The following TMEM131L variants were observed in gnomAD, a reference collection of about 807,000 sequenced individuals.
TMEM131L encodes transmembrane 131 like.
Under a neutral mutation model 192.2 loss-of-function variants are expected in TMEM131L, and 54 were observed. The ratio of observed to expected loss-of-function variants is 0.28; its 90% CI spans 0.23 to 0.35. The LOEUF (loss-of-function observed/expected upper bound fraction) is 0.35. Among genes scored for constraint, TMEM131L ranks in the 10% least tolerant of loss-of-function variants. The probability of loss-of-function intolerance (pLI) is 1.00; values close to 1 mark genes in which losing one functional copy is unlikely to be tolerated. For synonymous variants in TMEM131L, 701 were observed against 704.9 expected, an observed-to-expected ratio of 0.99 and a Z score of 0.09; for missense variants, 1,888 against 1,972.9, an observed-to-expected ratio of 0.96 and a Z score of 0.82.
intron 9 of TMEM131L, among the ~76,000 whole-genome samples, chr4:153,582,424 T>TTTTG (rs1730409863): frequency 2.4e-5 from 3 of 125,496 alleles, no homozygotes; most frequent in African/African-American, 1.4e-4. Context: ...TAAACCGTTT[T>TTTTG]TTTTTGTTGT....
At chr4:153,478,457 G>T (rs1580017785) in intron 3 of TMEM131L, among the ~76,000 whole-genome samples, 1 of 152,154 alleles carries the variant, frequency 6.6e-6, no homozygotes. Context: ...GTACAGAGAC[G>T]TCCTGTATAC....
chr4:153,495,941 G>T (rs1226073173), intron 3 of TMEM131L, among the ~76,000 whole-genome samples: 1 of 152,210 alleles, frequency 6.6e-6, no homozygotes, highest in Non-Finnish European at 1.5e-5. Flanking sequence ...AACTGTTTCA[G>T]TGGAGTAATG....
At chr4:153,467,995 A>G (rs1730885382) in intron 2 of TMEM131L, among the ~76,000 whole-genome samples, 1 of 152,324 alleles carries the variant, frequency 6.6e-6, no homozygotes, top group Middle Eastern at 3.4e-3. Flanking sequence ...TTCACCAGTA[A>G]CGGTAGTGAT....
chr4:153,564,367 A>G (rs1729058519), intron 7 of TMEM131L, among the ~76,000 whole-genome samples: 1 of 151,314 alleles, frequency 6.6e-6, no homozygotes, highest in African/African-American at 2.4e-5. Flanking sequence ...TAGATGGCAC[A>G]TAGCAGGTGC....
At chr4:153,635,189 A>C (rs1174857090) in intron 33 of TMEM131L, among the ~76,000 whole-genome samples, 1 of 152,220 alleles carries the variant, frequency 6.6e-6, no homozygotes, top group African/African-American at 2.4e-5. Context: ...CAAGTGATCA[A>C]ATAGAGAAAA....
chr4:153,468,858 A>G (rs1295635047), intron 2 of TMEM131L, among the ~76,000 whole-genome samples: 1 of 151,630 alleles, frequency 6.6e-6, no homozygotes, highest in East Asian at 1.9e-4. Context: ...ATGTATATGT[A>G]TTTGCATTTT....
chr4:153,496,343 C>G (rs181075813), intron 3 of TMEM131L, among the ~76,000 whole-genome samples: 2 of 152,138 alleles, frequency 1.3e-5, no homozygotes, highest in Non-Finnish European at 2.9e-5. Flanking sequence ...TCCATTGCAT[C>G]GAAAACGGGG....
intron 21 of TMEM131L, among the ~76,000 whole-genome samples, chr4:153,601,221 TAAG>T (rs1265615891): frequency 1.3e-5 from 2 of 152,134 alleles, no homozygotes; most frequent in Non-Finnish European, 2.9e-5. Flanking sequence ...ATGATAGAAT[TAAG>T]AAGTAATATA....
chr4:153,513,763 G>A (rs1221413467), intron 3 of TMEM131L, among the ~76,000 whole-genome samples: 2 of 152,202 alleles, frequency 1.3e-5, no homozygotes, highest in Middle Eastern at 3.4e-3. Flanking sequence ...AGATGGCCTT[G>A]TGTAAATTAA....
In TMEM131L at chr4:153,486,501, G is replaced by T. The variant is rs572772740; in HGVS notation, c.239+12613G>T. On this transcript the variant is annotated intron_variant, in intron 3 of 34. Coordinates refer to ENST00000409959, the MANE Select transcript of TMEM131L (RefSeq NM_001131007.2). ...ATGTCACTTAACAAGAAGCCTGGAG[G>T]CAGGGTGGTTCTGGGTTGGTTTACT... 7.0e-4 allele frequency among the ~76,000 whole-genome samples: 107 copies of T among 152,180 alleles called. 1 individual carries two copies. Among genetic ancestry groups the T allele is most frequent in the Non-Finnish European group, 1.4e-3 (92 of 68,030 alleles).
At chr4:153,544,756 T>G (rs1737045756) in intron 3 of TMEM131L, among the ~76,000 whole-genome samples, 1 of 152,216 alleles carries the variant, frequency 6.6e-6, no homozygotes, top group Non-Finnish European at 1.5e-5. Flanking sequence ...GTTTTCGCTC[T>G]TCTGTTTTTG....
At position 153,492,740 on chromosome 4, in the gene TMEM131L, TG is replaced by T. The variant is rs1332582588; in HGVS notation, c.239+18853del. 3.3e-5 allele frequency among the ~76,000 whole-genome samples: 5 copies of T among 150,452 alleles called. No homozygotes were observed. In the South Asian group the frequency reaches 1.1e-3, roughly 32 times the overall value. On this transcript the variant is annotated intron_variant, in intron 3 of 34. Coordinates refer to ENST00000409959, the MANE Select transcript of TMEM131L (RefSeq NM_001131007.2). ...ACACTTAAAGTGTAAGGTGTGTTTATGAGCAGAGTTTTAAATTTAGGTGTTT... is the reference window on the plus strand; with the variant it reads ...ACACTTAAAGTGTAAGGTGTGTTTATAGCAGAGTTTTAAATTTAGGTGTTT...
At chr4:153,617,905 A>G (rs186674062) in intron 26 of TMEM131L, among the ~76,000 whole-genome samples, 1 of 136,798 alleles carries the variant, frequency 7.3e-6, no homozygotes, top group East Asian at 2.1e-4. Context: ...ATGAATTTAT[A>G]TTTCATGTCC....
rs28483542 is a variant in TMEM131L, at chr4:153,486,173, C to G, written c.239+12285C>G. On this transcript the variant is annotated intron_variant, in intron 3 of 34. Coordinates refer to ENST00000409959, the MANE Select transcript of TMEM131L (RefSeq NM_001131007.2). ...TCCCTGAAAAAAAAAGAGCATGACTCGTGTAAGATAGACCCAGGGTTGGTC... is the reference window on the plus strand; with the variant it reads ...TCCCTGAAAAAAAAAGAGCATGACTGGTGTAAGATAGACCCAGGGTTGGTC... 2.0e-5 allele frequency among the ~76,000 whole-genome samples: 3 copies of G among 152,258 alleles called. No homozygotes were observed. The East Asian group carries it at 5.8e-4, about 29-fold the overall frequency.
chr4:153,540,820 C>T (rs1012966992), intron 3 of TMEM131L, among the ~76,000 whole-genome samples: 7 of 152,202 alleles, frequency 4.6e-5, no homozygotes, highest in African/African-American at 1.4e-4. Context: ...AATGCATGAG[C>T]TTGCATTGTC....
intron 4 of TMEM131L, among the ~76,000 whole-genome samples, chr4:153,551,577 A>C (rs1737625489): frequency 1.3e-5 from 2 of 152,020 alleles, no homozygotes; most frequent in South Asian, 4.2e-4. Context: ...GCTAGTCTCA[A>C]ACTCCTGACC....
chr4:153,495,866 C>T (rs1185809568), intron 3 of TMEM131L, among the ~76,000 whole-genome samples: 1 of 152,200 alleles, frequency 6.6e-6, no homozygotes, highest in Non-Finnish European at 1.5e-5. Context: ...CCCAGCTTGA[C>T]CTTTCCCTTG....
Position 153,480,781 on chromosome 4 carries a change from G to C in TMEM131L, c.239+6893G>C, listed in dbSNP as rs185286704. 2.6e-5 allele frequency among the ~76,000 whole-genome samples: 4 copies of C among 152,262 alleles called. No homozygotes were observed. In the East Asian group the frequency reaches 7.7e-4, roughly 29 times the overall value. Reference sequence around the variant, plus strand: ...TCTATATAGAAGGAAGTTGAACATGGATCATACCTTCTCCCCAGAGTTCTC... The same window carrying C: ...TCTATATAGAAGGAAGTTGAACATGCATCATACCTTCTCCCCAGAGTTCTC... On this transcript the variant is annotated intron_variant, in intron 3 of 34. Transcript: ENST00000409959.
At chr4:153,587,121 CAA>C (rs1730753680) in intron 14 of TMEM131L, among the ~76,000 whole-genome samples, 1 of 152,018 alleles carries the variant, frequency 6.6e-6, no homozygotes, top group South Asian at 2.1e-4. Flanking sequence ...TAAAATTAAA[CAA>C]TGTAAGGTTA....
Sources: allele counts gnomAD v4.1 joint callset (sites outside exome capture counted in the v4.1 genomes callset), GRCh38; gene constraint gnomAD v4.1.1; transcripts MANE v1.5; gene names NCBI Gene and HGNC (gene_info 2026-07-23, HGNC 2026-07-21).